Variants in AOX1 observed in about 807,000 individuals in gnomAD.
AOX1 encodes the protein aldehyde oxidase.
Under a neutral mutation model 169.5 loss-of-function variants are expected in AOX1, and 153 were observed. That is an observed-to-expected ratio of 0.90 (90% confidence interval 0.79 to 1.03). AOX1 has a LOEUF of 1.03. Among genes scored for constraint, AOX1 ranks in the 50% least tolerant of loss-of-function variants. AOX1 has a pLI of 0.00. For synonymous variants in AOX1, 562 were observed against 581.9 expected, an observed-to-expected ratio of 0.97 and a Z score of 0.49; for missense variants, 1,656 against 1,663.9, an observed-to-expected ratio of 1.00 and a Z score of 0.08.
chr2:200,612,044 G>A (rs1010122744), intron 13 of AOX1, among the ~76,000 whole-genome samples: 1 of 151,938 alleles, frequency 6.6e-6, no homozygotes, highest in Non-Finnish European at 1.5e-5. Context: ...CCTACCCCAA[G>A]CTCTAAAGTA....
intron 21 of AOX1, 64 bp downstream of exon 21, chr2:200,634,979 G>C: frequency 6.3e-7 from 1 of 1,582,278 alleles, no homozygotes; most frequent in Non-Finnish European, 8.6e-7. Flanking sequence ...AATATATCAA[G>C]AGCAATTAGA....
At chr2:200,618,224 C>T (rs764025937) in intron 16 of AOX1, among the ~76,000 whole-genome samples, 4 of 152,150 alleles carry the variant, frequency 2.6e-5, no homozygotes, top group Admixed American at 6.5e-5. Flanking sequence ...GATGACTCAA[C>T]AATAACTGAA....
rs1320496297 is a variant in AOX1 at position 200,604,226 on chromosome 2, A to G, written c.669+129A>G. The G allele has an allele frequency of 1.1e-5, 8 of 700,180 alleles. No homozygotes were observed. The East Asian group carries it at 1.4e-4, about 12-fold the overall frequency. 43.4% of individuals were successfully genotyped at this position (700,180 alleles called of 1,614,324 possible). A position where few individuals can be genotyped will look rare whatever the true frequency, so the allele number is the denominator to read the frequency against. ...AGGCCTCTCTGTCATCCTTAGCTCA[A>G]GGTCTAAAGAGTATGGACTAAGGAA... On this transcript the variant is annotated intron_variant, in intron 8 of 34. Coordinates refer to ENST00000374700, the MANE Select transcript of AOX1 (RefSeq NM_001159.4).
intron 20 of AOX1, among the ~76,000 whole-genome samples, chr2:200,627,787 G>A (rs569594262): frequency 4.5e-4 from 68 of 152,242 alleles, no homozygotes; most frequent in Middle Eastern, 3.4e-3. Flanking sequence ...GGAAAATGGA[G>A]GCTCAGCGTA....
At chr2:200,607,844 A>G (rs1197357090) in intron 10 of AOX1, among the ~76,000 whole-genome samples, 1 of 152,236 alleles carries the variant, frequency 6.6e-6, no homozygotes, top group Non-Finnish European at 1.5e-5. Flanking sequence ...GGAAGCCATC[A>G]TTCTCAGCAA....
At chr2:200,588,603 C>G (rs981437280) in intron 1 of AOX1, among the ~76,000 whole-genome samples, 9 of 151,912 alleles carry the variant, frequency 5.9e-5, no homozygotes, top group Admixed American at 5.3e-4. Flanking sequence ...TTTGCAATTA[C>G]CCATTAGAAG....
At chr2:200,656,495 T>A (rs914894532) in intron 26 of AOX1, among the ~76,000 whole-genome samples, 1 of 152,188 alleles carries the variant, frequency 6.6e-6, no homozygotes. Context: ...GTGAGCTTAG[T>A]CATTTTGCAG....
intron 13 of AOX1, among the ~76,000 whole-genome samples, chr2:200,612,405 T>G (rs939322499): frequency 6.6e-6 from 1 of 152,176 alleles, no homozygotes; most frequent in Non-Finnish European, 1.5e-5. Context: ...GGGGGCTGCA[T>G]ATCTGATATC....
In AOX1 at chr2:200,588,725, G is replaced by GTTTTTTTTTTTTTTTTTT. The variant is rs1247445142; in HGVS notation, c.45+2572_45+2573insTTTTTTTTTTTTTTTTTT. Among the ~76,000 whole-genome samples the GTTTTTTTTTTTTTTTTTT allele has an allele frequency of 1.4e-3, 59 of 40,874 alleles. 1 individual carries two copies. The highest frequency in any genetic ancestry group is 2.7e-3 in the Non-Finnish European group (41 of 15,136). The allele number at this position is 40,874 out of a possible 152,430, so 26.8% of individuals were successfully genotyped here. A position where few individuals can be genotyped will look rare whatever the true frequency, so the allele number is the denominator to read the frequency against. ...ACTTACATGGAAAGAACTAGAATAA[G>GTTTTTTTTTTTTTTTTTT]CTTTTTTTTTTTTTTTTTTTTTGAG... On this transcript the variant is annotated intron_variant, in intron 1 of 34. Transcript: ENST00000374700.
rs1157860805 is a variant in AOX1 at position 200,614,309 on chromosome 2, G to A, written c.1611+343G>A. Among the ~76,000 whole-genome samples, 6 of 152,110 alleles carry A rather than the reference G, an allele frequency of 3.9e-5. No individual in the cohort carries two copies. In the East Asian group the frequency reaches 5.8e-4, roughly 15 times the overall value. On this transcript the variant is annotated intron_variant, in intron 15 of 34. Coordinates refer to ENST00000374700, the MANE Select transcript of AOX1 (RefSeq NM_001159.4). ...CTTTCTCTTGAGCTATTACCTTCAC[G>A]TTGAGGTTGACTTCATGTGTTTGGT...
chr2:200,632,886 T>C lies in AOX1; in HGVS notation c.2222-1905T>C, dbSNP rs531769610. Among the ~76,000 whole-genome samples the C allele has an allele frequency of 1.3e-4, 19 of 151,858 alleles. No individual in the cohort carries two copies. The East Asian group carries it at 1.5e-3, about 12-fold the overall frequency. The stretch of plus-strand genomic sequence containing the variant: ...CTACTGTCTTTAAAAGTGCTTTTTT[T>C]TTTCTTTCTTTCTTTCTTTTTTTTT... On this transcript the variant is annotated intron_variant, in intron 20 of 34. Coordinates refer to ENST00000374700, the MANE Select transcript of AOX1 (RefSeq NM_001159.4).
downstream of AOX1, chr2:200,677,129 G>A (rs1021561122): frequency 4.0e-5 from 14 of 346,094 alleles, no homozygotes; most frequent in African/African-American, 3.1e-4. Flanking sequence ...TGACTTGTGT[G>A]TGAGTTGCTG....
chr2:200,592,679 A>G (rs2034198928), intron 1 of AOX1, among the ~76,000 whole-genome samples: 1 of 152,128 alleles, frequency 6.6e-6, no homozygotes, highest in Non-Finnish European at 1.5e-5. Context: ...TTTACTGGAA[A>G]CCACAATTAT....
In AOX1 at chr2:200,620,825, TG is replaced by T; in HGVS notation, c.1874+8del. The T allele has an allele frequency of 6.3e-7, 1 of 1,590,986 alleles. No individual in the cohort carries two copies. Among genetic ancestry groups the T allele is most frequent in the Non-Finnish European group, 8.5e-7 (1 of 1,174,188 alleles). On this transcript the variant is annotated splice_region_variant and intron_variant, in intron 17 of 34. Transcript: ENST00000374700. The stretch of plus-strand genomic sequence containing the variant: ...AGAGCTCATGCTAAGATTGTGTAAG[TG>T]GTAAAATTCTTACTCAATGGGCATA...
In AOX1 at chr2:200,651,046, A is replaced by G. The variant is rs1206077534; in HGVS notation, c.2920A>G (p.Ile974Val). Residue 974 changes from isoleucine (I) to valine (V), a missense_variant, in exon 26 of 35, where the codon ATC becomes GTC. By Grantham distance (29) the Ile-to-Val change is conservative (BLOSUM62 3). Coordinates refer to ENST00000374700, the MANE Select transcript of AOX1 (RefSeq NM_001159.4). ...ACAAGAGATCAATGCCAAGAACCTA[A>G]TCCAGTGTTGGAGAGAATGTATGGC... ...YKQEINAKNL[I>V]QCWRECMAMS... is the part of the protein sequence containing the mutation. The G allele has an allele frequency of 2.5e-6, 4 of 1,614,242 alleles. No individual in the cohort carries two copies. Among genetic ancestry groups the G allele is most frequent in the Admixed American group, 1.7e-5 (1 of 60,032 alleles).
chr2:200,615,255 C>T (rs1256612129), intron 15 of AOX1, among the ~76,000 whole-genome samples: 1 of 152,186 alleles, frequency 6.6e-6, no homozygotes, highest in African/African-American at 2.4e-5. Context: ...AATCCTGCTG[C>T]CTTGGCTTCC....
intron 25 of AOX1, among the ~76,000 whole-genome samples, chr2:200,644,380 G>T (rs2035411191): frequency 6.6e-6 from 1 of 151,806 alleles, no homozygotes; most frequent in Non-Finnish European, 1.5e-5. Context: ...TAAGTATTTG[G>T]GTTCTCTATT....
intron 20 of AOX1, among the ~76,000 whole-genome samples, chr2:200,630,527 G>C (rs1003047676): frequency 2.9e-5 from 4 of 138,998 alleles, no homozygotes; most frequent in Non-Finnish European, 6.1e-5. Flanking sequence ...AAAAAAAAAA[G>C]ATGGATGGAT....
At chr2:200,599,441 C>T (rs549963643) in intron 4 of AOX1, among the ~76,000 whole-genome samples, 179 bp from the exon 5 acceptor site, 3 of 152,330 alleles carry the variant, frequency 2.0e-5, no homozygotes, top group African/African-American at 7.2e-5. Flanking sequence ...GGCCCAACCT[C>T]ACAACAACCC....
Sources: gnomAD v4.1 joint callset for allele counts (sites outside exome capture counted in the v4.1 genomes callset) on GRCh38, gnomAD v4.1.1 for gene constraint, MANE v1.5 for transcripts, NCBI Gene and HGNC (gene_info 2026-07-23, HGNC 2026-07-21) for gene names.